Variants in CSMD1 observed in about 807,000 individuals in gnomAD.
CSMD1 encodes the protein CUB and Sushi multiple domains 1.
Under a neutral mutation model 417.5 loss-of-function variants are expected in CSMD1, and 213 were observed. The ratio of observed to expected loss-of-function variants is 0.51; its 90% confidence interval spans 0.46 to 0.57. CSMD1 has a LOEUF of 0.57. Ranked by LOEUF, CSMD1 falls within the 20% of genes least tolerant of loss-of-function variation. The pLI, the probability that CSMD1 is intolerant of heterozygous loss-of-function variation, is 0.00. For synonymous variants in CSMD1, 2,862 were observed against 1,736.8 expected (o/e 1.65, Z -16.11); for missense variants, 6,923 against 4,529.7 (o/e 1.53, Z -15.17).
intron 2 of CSMD1, among the ~76,000 whole-genome samples, chr8:4,573,810 G>A (rs1208281271): frequency 6.6e-6 from 1 of 152,180 alleles, no homozygotes. Context: ...TTCTTTCAGG[G>A]ATGACCTGCC....
intron 3 of CSMD1, among the ~76,000 whole-genome samples, chr8:4,326,354 C>T (rs1369223773): frequency 6.6e-6 from 1 of 152,128 alleles, no homozygotes; most frequent in Non-Finnish European, 1.5e-5. Context: ...ATGGGGCAAC[C>T]TGACGACGAT....
chr8:4,110,321 T>G (rs1041694479), intron 3 of CSMD1, among the ~76,000 whole-genome samples: 17 of 152,166 alleles, frequency 1.1e-4, no homozygotes, highest in African/African-American at 3.9e-4. Context: ...CCCAGGAACT[T>G]GTGAATTTTT....
chr8:3,801,956 T>C (rs1800481494), intron 5 of CSMD1, among the ~76,000 whole-genome samples: 4 of 152,056 alleles, frequency 2.6e-5, no homozygotes, highest in African/African-American at 9.7e-5. Flanking sequence ...AAATGACTGA[T>C]AATAGGTACA....
chr8:4,045,861 TA>T (rs1298423546), intron 3 of CSMD1, among the ~76,000 whole-genome samples: 2 of 152,170 alleles, frequency 1.3e-5, no homozygotes, highest in Non-Finnish European at 2.9e-5. Context: ...GGCACTGCAT[TA>T]TTTTTTTTTT....
chr8:4,464,378 A>G lies in CSMD1; in HGVS notation c.303-44313T>C, dbSNP rs376203453. Among the ~76,000 whole-genome samples the G allele has an allele frequency of 2.6e-5, 4 of 152,234 alleles. No individual in the cohort carries two copies. In the South Asian group the frequency reaches 6.2e-4, roughly 24 times the overall value. ...AAGCTGAAAAGAGTGATGAAAATGCATTTAATATACCTAACCTGCAAAACA... is the reference window on the plus strand; with the variant it reads ...AAGCTGAAAAGAGTGATGAAAATGCGTTTAATATACCTAACCTGCAAAACA... On this transcript the variant is annotated intron_variant, in intron 2 of 69. Transcript: ENST00000635120.
rs549199814 is a variant in CSMD1, at chr8:3,249,280, G to T, written c.4154-19049C>A. Among the ~76,000 whole-genome samples the T allele has an allele frequency of 3.9e-5, 6 of 152,032 alleles. No individual in the cohort carries two copies. In the East Asian group the frequency reaches 1.2e-3, roughly 29 times the overall value. On this transcript the variant is annotated intron_variant, in intron 26 of 69. Transcript: ENST00000635120. ...TCTGTTGCCCAGTCTGGAGTGCAGC[G>T]GCGTGATCTCAGTTCACTGCAACCT...
At chr8:4,296,326 G>T (rs560883181) in intron 3 of CSMD1, among the ~76,000 whole-genome samples, 163 of 152,182 alleles carry the variant, frequency 1.1e-3, no homozygotes, top group African/African-American at 3.7e-3. Context: ...AAATTCTATA[G>T]TTCAGGGATT....
chr8:4,002,133 A>C (rs1201923277), intron 4 of CSMD1, among the ~76,000 whole-genome samples: 1 of 152,188 alleles, frequency 6.6e-6, no homozygotes, highest in Non-Finnish European at 1.5e-5. Flanking sequence ...CATGGTACTC[A>C]TGGGATAAAA....
At chr8:4,185,218 G>A (rs980490236) in intron 3 of CSMD1, among the ~76,000 whole-genome samples, 1 of 151,548 alleles carries the variant, frequency 6.6e-6, no homozygotes, top group African/African-American at 2.4e-5. Flanking sequence ...AGTACAGGCT[G>A]GGAACCTGCT....
At chr8:4,579,053 A>T (rs908270110) in intron 2 of CSMD1, among the ~76,000 whole-genome samples, 5 of 151,910 alleles carry the variant, frequency 3.3e-5, no homozygotes, top group African/African-American at 1.2e-4. Context: ...ACTGCAAAAG[A>T]TATCTTTCTG....
chr8:4,802,791 T>C (rs1417360651), intron 1 of CSMD1, among the ~76,000 whole-genome samples: 1 of 152,136 alleles, frequency 6.6e-6, no homozygotes, highest in African/African-American at 2.4e-5. Flanking sequence ...ACATAGAAAA[T>C]CCGTGACGTC....
intron 12 of CSMD1, among the ~76,000 whole-genome samples, chr8:3,443,801 T>C (rs571023860): frequency 2.0e-5 from 3 of 152,328 alleles, no homozygotes; most frequent in African/African-American, 4.8e-5. Flanking sequence ...AGTGTAAACA[T>C]GAATGCAAAA....
chr8:4,890,316 G>C (rs917098528), intron 1 of CSMD1, among the ~76,000 whole-genome samples: 6 of 152,116 alleles, frequency 3.9e-5, no homozygotes, highest in African/African-American at 1.5e-4. Flanking sequence ...AAAGGAGAGA[G>C]AACCTCCAGG....
chr8:3,802,688 G>A (rs986240494), intron 5 of CSMD1, among the ~76,000 whole-genome samples: 8 of 152,156 alleles, frequency 5.3e-5, no homozygotes, highest in East Asian at 1.9e-4. Flanking sequence ...ACTTCAAAAC[G>A]CAATAAAATA....
chr8:4,231,103 C>G (rs1801697520), intron 3 of CSMD1, among the ~76,000 whole-genome samples: 1 of 152,072 alleles, frequency 6.6e-6, no homozygotes, highest in East Asian at 1.9e-4. Context: ...ATTTCTCCAC[C>G]AAGGATATAT....
At chr8:4,876,071 A>G (rs970923477) in intron 1 of CSMD1, among the ~76,000 whole-genome samples, 2 of 152,132 alleles carry the variant, frequency 1.3e-5, no homozygotes, top group Admixed American at 6.5e-5. Context: ...AAACTAGCAG[A>G]TAGCCTAATG....
At chr8:3,676,993 G>A (rs989048554) in intron 7 of CSMD1, among the ~76,000 whole-genome samples, 11 of 152,144 alleles carry the variant, frequency 7.2e-5, no homozygotes, top group South Asian at 2.1e-4. Flanking sequence ...TCATGGACCG[G>A]GGCCTGTTGC....
chr8:3,851,626 C>T (rs574898358), intron 5 of CSMD1, among the ~76,000 whole-genome samples: 6 of 152,098 alleles, frequency 3.9e-5, no homozygotes, highest in Non-Finnish European at 7.4e-5. Flanking sequence ...AAAAAACATC[C>T]ATTGCTAACT....
chr8:3,641,573 G>A (rs1242916529), intron 7 of CSMD1, among the ~76,000 whole-genome samples: 1 of 152,160 alleles, frequency 6.6e-6, no homozygotes, highest in African/African-American at 2.4e-5. Flanking sequence ...CATCCTTTCA[G>A]AAATCATGAT....
Sources: gnomAD v4.1 joint callset for allele counts (sites outside exome capture counted in the v4.1 genomes callset) on GRCh38, gnomAD v4.1.1 for gene constraint, MANE v1.5 for transcripts, NCBI Gene and HGNC (gene_info 2026-07-23, HGNC 2026-07-21) for gene names.